The following VOPP1 variants were observed in gnomAD, a reference collection of about 807,000 sequenced individuals.
The protein encoded by VOPP1 is VOPP1 WW domain binding protein.
VOPP1 carries 8 observed loss-of-function variants against 23.5 expected under a neutral mutation model. That is an observed-to-expected ratio of 0.34 (90% CI 0.20 to 0.61). VOPP1 has a LOEUF of 0.61. Among genes scored for constraint, VOPP1 ranks in the 20% least tolerant of loss-of-function variants. The pLI is 0.78. For synonymous variants in VOPP1, 83 were observed against 97.3 expected (o/e 0.85, Z 0.86); for missense variants, 174 against 238.1 (o/e 0.73, Z 1.77).
At chr7:55,468,560 G>C (rs1053507755), downstream of VOPP1, among the ~76,000 whole-genome samples, 1 of 152,244 alleles carries the variant, frequency 6.6e-6, no homozygotes, top group African/African-American at 2.4e-5. Context: ...ACACCTCGGA[G>C]GGACCTGAAG....
intron 2 of VOPP1, among the ~76,000 whole-genome samples, chr7:55,516,694 C>T (rs1041260161): frequency 1.1e-4 from 16 of 152,088 alleles, no homozygotes; most frequent in African/African-American, 2.7e-4. Flanking sequence ...CAATGCATTC[C>T]GCATGGTGAG....
At chr7:55,489,562 G>C (rs1793410655) in intron 4 of VOPP1, among the ~76,000 whole-genome samples, 2 of 152,182 alleles carry the variant, frequency 1.3e-5, no homozygotes, top group African/African-American at 4.8e-5. Flanking sequence ...GGGTGCTGGA[G>C]CTGTGCATGC....
At chr7:55,446,215 A>C (rs1042225250) in intron 4 of VOPP1, among the ~76,000 whole-genome samples, 5 of 152,068 alleles carry the variant, frequency 3.3e-5, no homozygotes, top group East Asian at 1.9e-4. Context: ...GGATGGTCTC[A>C]ATCTCCTGAC....
chr7:55,468,328 GGAGGA>G (rs747560264), downstream of VOPP1, among the ~76,000 whole-genome samples: 127 of 152,032 alleles, frequency 8.4e-4, no homozygotes, highest in South Asian at 1.3e-3. Context: ...GAGGCCCTGA[GGAGGA>G]GAGGAGAACA....
chr7:55,553,647 C>T (rs1255894468), intron 1 of VOPP1, among the ~76,000 whole-genome samples: 4 of 151,718 alleles, frequency 2.6e-5, no homozygotes, highest in Non-Finnish European at 5.9e-5. Flanking sequence ...CCACCCCACC[C>T]CTACCACACA....
chr7:55,465,263 C>G (rs1562887469), intron 4 of VOPP1, among the ~76,000 whole-genome samples: 1 of 152,162 alleles, frequency 6.6e-6, no homozygotes, highest in Non-Finnish European at 1.5e-5. Context: ...GGGATGCTCG[C>G]AGATCTCATC....
chr7:55,561,722 A>G (rs1460734355), intron 1 of VOPP1: 9 of 445,182 alleles, frequency 2.0e-5, no homozygotes, highest in Non-Finnish European at 3.2e-5. Flanking sequence ...AAAAAGAAGA[A>G]GAATTCACAG....
chr7:55,456,242 A>C (rs137970325), intron 4 of VOPP1, among the ~76,000 whole-genome samples: 1,831 of 152,390 alleles, frequency 0.012, 13 homozygotes, highest in Admixed American at 0.021. Context: ...TCAAAACCAC[A>C]TTGAGAAACC....
intron 4 of VOPP1, among the ~76,000 whole-genome samples, chr7:55,477,140 T>C (rs541255389): frequency 2.0e-5 from 3 of 152,348 alleles, no homozygotes; most frequent in African/African-American, 7.2e-5. Flanking sequence ...CCCCTCTTGC[T>C]GCCTGTCACT....
rs79313165 is a variant in VOPP1 at position 55,502,711 on chromosome 7, C to G, written c.114-5021G>C. Among the ~76,000 whole-genome samples the G allele has an allele frequency of 1.8e-4, 28 of 152,334 alleles. No homozygotes were observed. In the East Asian group the frequency reaches 4.8e-3, roughly 26 times the overall value. The stretch of plus-strand genomic sequence containing the variant: ...AATTAAAGTAGTAAACATTACCAGG[C>G]AGTCGAGCACACTGAAGATGCCTAT... On this transcript the variant is annotated intron_variant, in intron 2 of 4. Transcript: ENST00000285279.
At chr7:55,462,968 G>C (rs1443150074) in intron 4 of VOPP1, among the ~76,000 whole-genome samples, 1 of 151,864 alleles carries the variant, frequency 6.6e-6, no homozygotes, top group Non-Finnish European at 1.5e-5. Flanking sequence ...ATTTCTGTTT[G>C]GTTCTTTCTT....
At chr7:55,543,611 T>C (rs1797235139) in intron 1 of VOPP1, among the ~76,000 whole-genome samples, 2 of 152,220 alleles carry the variant, frequency 1.3e-5, no homozygotes, top group Admixed American at 6.5e-5. Context: ...TTAACTGAGA[T>C]GAGGTGATAT....
At chr7:55,530,335 C>T (rs192100433) in intron 1 of VOPP1, among the ~76,000 whole-genome samples, 29 of 152,206 alleles carry the variant, frequency 1.9e-4, no homozygotes, top group Non-Finnish European at 3.4e-4. Context: ...TCCCTAATGA[C>T]CAATGATGTA....
chr7:55,568,913 T>C (rs1260766770), intron 1 of VOPP1, among the ~76,000 whole-genome samples: 1 of 152,194 alleles, frequency 6.6e-6, no homozygotes, highest in Non-Finnish European at 1.5e-5. Flanking sequence ...TTGCAGGACC[T>C]CACTTCAGCC....
chr7:55,487,420 T>C (rs1450747317), intron 4 of VOPP1, among the ~76,000 whole-genome samples: 1 of 152,240 alleles, frequency 6.6e-6, no homozygotes, highest in Non-Finnish European at 1.5e-5. Context: ...AATCTCTCTC[T>C]ATGTATCTGT....
At chr7:55,476,106 C>T (rs572071655) in intron 4 of VOPP1, among the ~76,000 whole-genome samples, 1 of 152,294 alleles carries the variant, frequency 6.6e-6, no homozygotes, top group South Asian at 2.1e-4. Context: ...GTGTGGAGCG[C>T]CGTCTAAGAA....
chr7:55,459,161 CTGA>C (rs1322913252), intron 4 of VOPP1, among the ~76,000 whole-genome samples: 4 of 150,826 alleles, frequency 2.7e-5, no homozygotes, highest in Non-Finnish European at 4.5e-5. Flanking sequence ...CTTCATTCCA[CTGA>C]TGTCATCACA....
chr7:55,436,635 T>G (rs1005641401), intron 4 of VOPP1, among the ~76,000 whole-genome samples: 3 of 139,826 alleles, frequency 2.1e-5, no homozygotes, highest in Non-Finnish European at 4.8e-5. Context: ...TGTGTGCGTG[T>G]GTGTGCGTGC....
chr7:55,470,461 CAAAT>C, downstream of VOPP1, among the ~76,000 whole-genome samples: 1 of 152,278 alleles, frequency 6.6e-6, no homozygotes, highest in African/African-American at 2.4e-5. Flanking sequence ...CTTACATTCT[CAAAT>C]AACATCTAGT....
Sources: allele counts gnomAD v4.1 joint callset (sites outside exome capture counted in the v4.1 genomes callset), GRCh38; gene constraint gnomAD v4.1.1; transcripts MANE v1.5; gene names NCBI Gene and HGNC (gene_info 2026-07-23, HGNC 2026-07-21).